The following LDLRAP1 variants were observed in gnomAD, a reference collection of about 807,000 sequenced individuals.
LDLRAP1 encodes low density lipoprotein receptor adaptor protein 1.
In LDLRAP1, 30 loss-of-function variants were observed where a neutral mutation model predicts 37.8. That is an observed-to-expected ratio of 0.79 (90% confidence interval 0.59 to 1.08). The LOEUF (loss-of-function observed/expected upper bound fraction) is 1.08. LDLRAP1 is among the 50% of genes least tolerant of loss of function. LDLRAP1 has a pLI of 0.00. For missense variants in LDLRAP1, 375 were observed against 401.6 expected, an observed-to-expected ratio of 0.93 and a Z score of 0.57; for synonymous variants, 156 against 169.8, an observed-to-expected ratio of 0.92 and a Z score of 0.63.
rs2044546110 is a variant in LDLRAP1, at chr1:25,568,551, G to T, written c.*1559G>T. Reference sequence around the variant, plus strand: ...CTGGAGTAACCGGACACCTTAGACGGAGGTGCCTGAGGGTGGGGTGGGATT... The same window carrying T: ...CTGGAGTAACCGGACACCTTAGACGTAGGTGCCTGAGGGTGGGGTGGGATT... On this transcript the variant is annotated 3_prime_UTR_variant, in exon 9 of 9. Coordinates refer to ENST00000374338, the MANE Select transcript of LDLRAP1 (RefSeq NM_015627.3). The T allele has an allele frequency of 6.6e-6, 1 of 152,246 alleles. No individual in the cohort carries two copies. The highest frequency in any genetic ancestry group is 1.5e-5 in the Non-Finnish European group (1 of 68,054). 9.4% of individuals were successfully genotyped at this position (152,246 alleles called of 1,614,324 possible). A position where few individuals can be genotyped will look rare whatever the true frequency, so the allele number is the denominator to read the frequency against.
At chr1:25,557,054 G>A (rs1572039176) in intron 3 of LDLRAP1, 99 bp from the exon 4 acceptor site, 1 of 864,820 alleles carries the variant, frequency 1.2e-6, no homozygotes, top group Non-Finnish European at 2.0e-6. Flanking sequence ...AGTGGGAATA[G>A]CAGGTTCTCT....
intron 4 of LDLRAP1, among the ~76,000 whole-genome samples, chr1:25,562,314 G>A (rs1226236926): frequency 1.3e-5 from 2 of 152,238 alleles, no homozygotes; most frequent in African/African-American, 4.8e-5. Context: ...GAAGCCCAAA[G>A]GGGAAGGAAA....
chr1:25,585,190 A>G, the LDLRAP1 span, among the ~76,000 whole-genome samples: 1 of 152,202 alleles, frequency 6.6e-6, no homozygotes, highest in Admixed American at 6.5e-5. Context: ...TTCTTATTTA[A>G]TAATCGCAAA....
At chr1:25,583,413 G>A in the LDLRAP1 span, among the ~76,000 whole-genome samples, 2 of 151,802 alleles carry the variant, frequency 1.3e-5, no homozygotes, top group Non-Finnish European at 2.9e-5. Flanking sequence ...GGCTGGTCTC[G>A]AACTTCTGAC....
intron 1 of LDLRAP1, among the ~76,000 whole-genome samples, chr1:25,549,522 T>C (rs1365345638): frequency 1.3e-5 from 2 of 152,232 alleles, no homozygotes; most frequent in African/African-American, 4.8e-5. Context: ...AATTTAGACC[T>C]TAGACCAGGC....
At chr1:25,558,700 C>T (rs1278292009) in intron 4 of LDLRAP1, among the ~76,000 whole-genome samples, 4 of 152,184 alleles carry the variant, frequency 2.6e-5, no homozygotes, top group Non-Finnish European at 5.9e-5. Context: ...TCTCCTACCC[C>T]GCTCAGCACT....
intron 5 of LDLRAP1, 128 bp downstream of exon 5, chr1:25,562,844 C>A: frequency 1.2e-6 from 1 of 859,778 alleles, no homozygotes; most frequent in Non-Finnish European, 1.9e-6. Flanking sequence ...CAGGTCCCTT[C>A]ACCGCTCAGA....
At chr1:25,570,368 C>T (rs1266276248), downstream of LDLRAP1, among the ~76,000 whole-genome samples, 5 of 152,190 alleles carry the variant, frequency 3.3e-5, no homozygotes, top group Admixed American at 6.5e-5. Context: ...TCAGATTTGA[C>T]GTGACTTTCA....
chr1:25,543,608 A>AGCGCGCAGCCC lies in LDLRAP1; in HGVS notation c.-84_-74dup, dbSNP rs2043851992. ...GCGGAGCTGGCGCTGGGAGGGGAGG[A>AGCGCGCAGCCC]GCGCGCAGCCCGCGCGCCGCAGGGC... On this transcript the variant is annotated 5_prime_UTR_variant, in exon 1 of 9. Transcript: ENST00000374338. 1.1e-6 allele frequency: 1 copy of AGCGCGCAGCCC among 906,866 alleles called. No individual in the cohort carries two copies. The highest frequency in any genetic ancestry group is 1.4e-6 in the Non-Finnish European group (1 of 701,994). 56.2% of individuals were successfully genotyped at this position (906,866 alleles called of 1,614,324 possible). A position where few individuals can be genotyped will look rare whatever the true frequency, so the allele number is the denominator to read the frequency against.
chr1:25,565,267 C>G, intron 8 of LDLRAP1, 60 bp downstream of exon 8: 1 of 1,586,976 alleles, frequency 6.3e-7, no homozygotes, highest in Non-Finnish European at 8.7e-7. Context: ...GCCCTGCTGC[C>G]CTTTCTCCTG....
In LDLRAP1 at chr1:25,557,498, T is replaced by C. The variant is rs1458232367; in HGVS notation, c.459+231T>C. On this transcript the variant is annotated intron_variant, in intron 4 of 8. Transcript: ENST00000374338. ...CTTTGTGTGGGCAGTAGCTGGCCCATGTCCCCAGTGTGTGTCTGGGCCTGT... is the reference window on the plus strand; with the variant it reads ...CTTTGTGTGGGCAGTAGCTGGCCCACGTCCCCAGTGTGTGTCTGGGCCTGT... 10 of 583,964 alleles carry C rather than the reference T, an allele frequency of 1.7e-5. No homozygotes were observed. The Admixed American group carries it at 2.7e-4, about 16-fold the overall frequency. The allele number at this position is 583,964 out of a possible 1,614,324, so 36.2% of individuals were successfully genotyped here. A position where few individuals can be genotyped will look rare whatever the true frequency, so the allele number is the denominator to read the frequency against.
chr1:25,557,289 G>A (rs74060930), intron 4 of LDLRAP1, 22 bp downstream of exon 4: 399 of 1,575,082 alleles, frequency 2.5e-4, no homozygotes, highest in Non-Finnish European at 3.3e-4. Flanking sequence ...GGGCTGGGGC[G>A]GGGACAGGGT....
rs2044487590 is a variant in LDLRAP1 at position 25,566,628 on chromosome 1, T to C, written c.783-220T>C. ...GGCACAGAGTGGGTGCTCTGGCCTC[T>C]CCCGGGGGTGGGTGCACCGCTGGCT... On this transcript the variant is annotated intron_variant, in intron 8 of 8. Transcript: ENST00000374338. 2.0e-5 allele frequency among the ~76,000 whole-genome samples: 3 copies of C among 150,800 alleles called. No individual in the cohort carries two copies. In the South Asian group the frequency reaches 6.4e-4, roughly 32 times the overall value.
the LDLRAP1 span, among the ~76,000 whole-genome samples, chr1:25,576,125 G>A: frequency 6.6e-6 from 1 of 152,092 alleles, no homozygotes; most frequent in Admixed American, 6.5e-5. Context: ...CCAGCTACTC[G>A]GGAGGCCGAA....
At chr1:25,560,574 A>G (rs115129950) in intron 4 of LDLRAP1, among the ~76,000 whole-genome samples, 3,376 of 152,244 alleles carry the variant, frequency 0.022, 129 homozygotes, top group African/African-American at 0.076. Context: ...ATTTCCACCC[A>G]GGCAGCACGG....
At chr1:25,583,954 C>T in the LDLRAP1 span, among the ~76,000 whole-genome samples, 1 of 152,190 alleles carries the variant, frequency 6.6e-6, no homozygotes, top group Non-Finnish European at 1.5e-5. Flanking sequence ...CGTTGTAGCA[C>T]ATGCCAGTGC....
chr1:25,558,174 A>G (rs1332169187), intron 4 of LDLRAP1, among the ~76,000 whole-genome samples: 6 of 152,116 alleles, frequency 3.9e-5, no homozygotes, highest in African/African-American at 1.4e-4. Context: ...GGATCTGAGC[A>G]TTCTCCCTAT....
rs750080972 is a variant in LDLRAP1, at chr1:25,557,202, A to G, written c.394A>G (p.Ile132Val). 1.1e-5 allele frequency: 18 copies of G among 1,614,050 alleles called. No individual in the cohort carries two copies. In the African/African-American group the frequency reaches 1.7e-4, roughly 16 times the overall value. Residue 132 changes from isoleucine to valine, a missense_variant, in exon 4 of 9, where the codon ATC becomes GTC. Physicochemically the swap from Ile to Val is conservative, Grantham distance 29 (BLOSUM62 3). Transcript: ENST00000374338. ...GATGCACGACAAGGTGTTTGCATAC[A>G]TCGCCCAGAGCCAGCACAACCAGAG... ...DKMHDKVFAY[I>V]AQSQHNQSLE...
At chr1:25,572,342 C>A (rs1018778881), downstream of LDLRAP1, among the ~76,000 whole-genome samples, 1 of 152,206 alleles carries the variant, frequency 6.6e-6, no homozygotes, top group African/African-American at 2.4e-5. Flanking sequence ...TGCCGGCTGT[C>A]AGACCCTTCC....
Sources: allele counts gnomAD v4.1 joint callset (sites outside exome capture counted in the v4.1 genomes callset), GRCh38; gene constraint gnomAD v4.1.1; transcripts MANE v1.5; gene names NCBI Gene and HGNC (gene_info 2026-07-23, HGNC 2026-07-21).